The following COPS8 variants were observed in gnomAD, a reference collection of about 807,000 sequenced individuals.
The protein encoded by COPS8 is COP9 signalosome complex subunit 8.
In COPS8, 11 loss-of-function variants were observed where a neutral mutation model predicts 31.5. That is an observed-to-expected ratio of 0.35 (90% confidence interval 0.22 to 0.58). The LOEUF (loss-of-function observed/expected upper bound fraction) is 0.58, where lower values mean the gene tolerates loss of function less well. Ranked by LOEUF, COPS8 falls within the 20% of genes least tolerant of loss-of-function variation. The pLI, the probability that COPS8 is intolerant of heterozygous loss-of-function variation, is 0.83. For missense variants in COPS8, 215 were observed against 255.1 expected (o/e 0.84, Z 1.07); for synonymous variants, 81 against 89.3 (o/e 0.91, Z 0.52).
In COPS8 at chr2:237,087,123, C is replaced by T. The variant is rs73999611; in HGVS notation, c.79-4C>T. On this transcript the variant is annotated splice_region_variant and splice_polypyrimidine_tract_variant and intron_variant, in intron 1 of 7. Coordinates refer to ENST00000354371, the MANE Select transcript of COPS8 (RefSeq NM_006710.5). ...TTGTTTTGTTTTCATTTTTGGCCTT[C>T]TAGGCCCCTGGAGGAATTGCTACAC... 4,765 of 1,592,088 alleles carry T rather than the reference C, an allele frequency of 3.0e-3. 124 individuals are homozygous for T. The African/African-American group carries it at 0.058, about 19-fold the overall frequency.
intron 6 of COPS8, 174 bp from the exon 7 acceptor site, chr2:237,096,648 G>A: frequency 4.6e-6 from 3 of 650,772 alleles, no homozygotes; most frequent in Middle Eastern, 4.0e-4. Context: ...CCAGTCAAGT[G>A]AGATAGTGGG....
At chr2:237,086,153 G>T in intron 1 of COPS8, 111 bp downstream of exon 1, 1 of 1,023,526 alleles carries the variant, frequency 9.8e-7, no homozygotes, top group Non-Finnish European at 1.5e-6. Flanking sequence ...GGAGCTCACG[G>T]GGCGGGCGTG....
intron 4 of COPS8, among the ~76,000 whole-genome samples, chr2:237,092,423 T>C (rs1457591072): frequency 1.3e-5 from 2 of 152,222 alleles, no homozygotes; most frequent in African/African-American, 4.8e-5. Context: ...CCATTCTTAC[T>C]GTATTCCTGT....
At chr2:237,089,789 AT>A in intron 3 of COPS8, 72 bp from the exon 4 acceptor site, 2 of 1,402,466 alleles carry the variant, frequency 1.4e-6, no homozygotes, top group Non-Finnish European at 9.8e-7. Context: ...CATTTCTGGT[AT>A]TTTGTTTTAA....
intron 4 of COPS8, among the ~76,000 whole-genome samples, chr2:237,090,388 A>C (rs544557170): frequency 4.6e-4 from 70 of 152,260 alleles, no homozygotes; most frequent in Non-Finnish European, 8.1e-4. Context: ...GGATTTTATA[A>C]TTTATCAGTT....
chr2:237,085,996 T>G lies in COPS8; in HGVS notation c.32T>G (p.Phe11Cys), dbSNP rs747018225. 14 of 1,613,408 alleles carry G rather than the reference T, an allele frequency of 8.7e-6. No homozygotes were observed. The South Asian group carries it at 1.4e-4, about 16-fold the overall frequency. MPVAVMAESA[F>C]SFKKLLDQCE... ...GTGGCGGTGATGGCGGAAAGCGCCT[T>G]TAGTTTCAAAAAGTTGCTGGATCAG... The change falls in exon 1 of 8, where the codon TTT becomes TGT. Residue 11 changes from phenylalanine to cysteine, a missense_variant. Phe to Cys is a radical substitution (Grantham distance 205). Coordinates refer to ENST00000354371, the MANE Select transcript of COPS8 (RefSeq NM_006710.5).
intron 6 of COPS8, 180 bp from the exon 7 acceptor site, chr2:237,096,641 GT>G: frequency 1.6e-6 from 1 of 644,306 alleles, no homozygotes; most frequent in Admixed American, 2.8e-5. Flanking sequence ...CATGATCCCA[GT>G]CAAGTGAGAT....
chr2:237,090,341 C>T (rs534599631), intron 4 of COPS8, among the ~76,000 whole-genome samples: 7 of 152,242 alleles, frequency 4.6e-5, no homozygotes, highest in Non-Finnish European at 8.8e-5. Context: ...TGAATTTTGT[C>T]AGCCTCAGCC....
chr2:237,096,525 C>T (rs1376259251), intron 6 of COPS8, among the ~76,000 whole-genome samples: 1 of 152,176 alleles, frequency 6.6e-6, no homozygotes, highest in Non-Finnish European at 1.5e-5. Context: ...CACGTCAGCC[C>T]AAATTTCCTT....
chr2:237,094,160 A>G lies in COPS8; in HGVS notation c.402A>G (p.Ala134=), dbSNP rs1230854979. ...CTTCAATCATCGCCGATGATTTTGC[A>G]GCCTTTGTTGGACTTCCTGTAGAAG... ...AYTSIIADDF[A]AFVGLPVEEA... Residue 134 remains alanine (A), a synonymous_variant, in exon 5 of 8, where the codon GCA becomes GCG. Coordinates refer to ENST00000354371, the MANE Select transcript of COPS8 (RefSeq NM_006710.5). 5 of 1,614,094 alleles carry G rather than the reference A, an allele frequency of 3.1e-6. No homozygotes were observed. The East Asian group carries it at 1.1e-4, about 36-fold the overall frequency.
intron 6 of COPS8, among the ~76,000 whole-genome samples, 189 bp downstream of exon 6, chr2:237,096,073 T>G (rs1389103860): frequency 2.0e-5 from 3 of 152,238 alleles, no homozygotes; most frequent in African/African-American, 7.2e-5. Context: ...TAAAAATGTA[T>G]TTCCTGTATA....
At chr2:237,086,068 A>G (rs1696605681) in intron 1 of COPS8, 26 bp downstream of exon 1, 1 of 1,601,668 alleles carries the variant, frequency 6.2e-7, no homozygotes, top group South Asian at 1.1e-5. Flanking sequence ...GCGCTGGGAG[A>G]AACTGCGGAG....
chr2:237,095,924 T>G, intron 6 of COPS8, 40 bp downstream of exon 6: 13 of 1,364,678 alleles, frequency 9.5e-6, no homozygotes, highest in Non-Finnish European at 1.4e-5. Context: ...CACTGGACTC[T>G]TCTAAGACTG....
intron 4 of COPS8, chr2:237,093,791 A>G (rs978206354): frequency 2.9e-6 from 3 of 1,038,902 alleles, no homozygotes; most frequent in Admixed American, 5.5e-5. Context: ...TTGCATAAAC[A>G]TACTGCATTT....
chr2:237,094,838 C>T (rs28569033), intron 5 of COPS8, among the ~76,000 whole-genome samples: 32,408 of 151,940 alleles, frequency 0.21, 4,288 homozygotes, highest in African/African-American at 0.37. Flanking sequence ...TGGTGGCAGG[C>T]ACCTGTAATC....
chr2:237,090,362 G>A (rs771897777), intron 4 of COPS8, among the ~76,000 whole-genome samples: 2 of 152,164 alleles, frequency 1.3e-5, no homozygotes, highest in Non-Finnish European at 2.9e-5. Flanking sequence ...TTTGATAGGT[G>A]TTGTCTTAAG....
At chr2:237,095,488 G>A (rs759448027) in intron 5 of COPS8, among the ~76,000 whole-genome samples, 2 of 152,104 alleles carry the variant, frequency 1.3e-5, no homozygotes, top group Non-Finnish European at 2.9e-5. Flanking sequence ...TTACTGATAT[G>A]ATGGTCACAA....
chr2:237,093,540 A>C, intron 4 of COPS8: 1 of 294,646 alleles, frequency 3.4e-6, no homozygotes, highest in Non-Finnish European at 5.0e-6. Context: ...ATTGTTTGGC[A>C]GTCCCTTCTT....
chr2:237,093,555 T>A (rs995420357), intron 4 of COPS8: 1 of 377,866 alleles, frequency 2.6e-6, no homozygotes, highest in African/African-American at 2.2e-5. Context: ...CTTCTTAGAG[T>A]CATTCTTTCA....
Sources: gnomAD v4.1 joint callset for allele counts (sites outside exome capture counted in the v4.1 genomes callset) on GRCh38, gnomAD v4.1.1 for gene constraint, MANE v1.5 for transcripts, NCBI Gene and HGNC (gene_info 2026-07-23, HGNC 2026-07-21) for gene names.